The following IL20RA variants were observed in gnomAD, a reference collection of about 807,000 sequenced individuals.
The protein encoded by IL20RA is interleukin-20 receptor subunit alpha.
In IL20RA, 29 loss-of-function variants were observed where a neutral mutation model predicts 36.5. The observed-to-expected ratio is 0.79, with a 90% CI of 0.59 to 1.08. The LOEUF is 1.08. IL20RA is among the 50% of genes least tolerant of loss of function. The pLI is 0.00. For missense variants in IL20RA, 652 were observed against 668.4 expected, an observed-to-expected ratio of 0.98 and a Z score of 0.27; for synonymous variants, 279 against 267.1, an observed-to-expected ratio of 1.04 and a Z score of -0.43.
intron 2 of IL20RA, among the ~76,000 whole-genome samples, chr6:137,016,362 T>C (rs980239673): frequency 3.9e-5 from 6 of 152,234 alleles, no homozygotes; most frequent in African/African-American, 1.4e-4. Context: ...TGAAATCATT[T>C]CCTGTGGTTG....
chr6:137,027,352 A>C (rs902585242), intron 1 of IL20RA, among the ~76,000 whole-genome samples: 1 of 152,176 alleles, frequency 6.6e-6, no homozygotes, highest in Admixed American at 6.5e-5. Flanking sequence ...TATTTCTCTG[A>C]CTAATTGCTG....
intron 2 of IL20RA, among the ~76,000 whole-genome samples, chr6:137,012,772 T>C (rs911827): frequency 0.86 from 130,412 of 152,230 alleles, 59,387 homozygotes; most frequent in East Asian, 1. Context: ...GGGAAGAGTG[T>C]GTCTTGAGAA....
rs1776820022 is a variant in IL20RA at position 137,044,367 on chromosome 6, C to T, written c.88+274G>A. On this transcript the variant is annotated intron_variant, in intron 1 of 6. Coordinates refer to ENST00000316649, the MANE Select transcript of IL20RA (RefSeq NM_014432.4). ...AGCGCACCCCCCACCGAACTCCCCCCACCCCACCTCAATTCTCGAGACCGA... is the reference window on the plus strand; with the variant it reads ...AGCGCACCCCCCACCGAACTCCCCCTACCCCACCTCAATTCTCGAGACCGA... The T allele has an allele frequency of 6.6e-6, 7 of 1,064,258 alleles. No individual in the cohort carries two copies. The African/African-American group carries it at 1.2e-4, about 18-fold the overall frequency. The allele number at this position is 1,064,258 out of a possible 1,614,324, so 65.9% of individuals were successfully genotyped here. A position where few individuals can be genotyped will look rare whatever the true frequency, so the allele number is the denominator to read the frequency against.
chr6:137,001,865 G>A lies in IL20RA; in HGVS notation c.1355C>T (p.Pro452Leu). The change falls in exon 7 of 7, where the codon CCT becomes CTT. Residue 452 changes from proline to leucine, a missense_variant. Physicochemically the swap from Pro to Leu is moderately conservative, Grantham distance 98 (BLOSUM62 -3). Transcript: ENST00000316649. The stretch of plus-strand genomic sequence containing the variant: ...CAGGGGGTCTAAGTCTTGGAGCTGA[G>A]GGGTGTATGAGTACTGTAACGTTTG... ...GPQTLQYSYTPQLQDLDPLAQ... is the reference protein window; with the variant it reads ...GPQTLQYSYTLQLQDLDPLAQ... 1 of 1,613,658 alleles carries A rather than the reference G, an allele frequency of 6.2e-7. No homozygotes were observed. The highest frequency in any genetic ancestry group is 1.1e-5 in the South Asian group (1 of 90,992).
chr6:137,025,577 C>G (rs1026814008), intron 1 of IL20RA, among the ~76,000 whole-genome samples: 4 of 152,206 alleles, frequency 2.6e-5, no homozygotes, highest in African/African-American at 9.6e-5. Context: ...AAAAAGTTCT[C>G]TGTTTGCTCG....
chr6:137,028,638 T>A (rs1307837362), intron 1 of IL20RA, among the ~76,000 whole-genome samples: 1 of 152,176 alleles, frequency 6.6e-6, no homozygotes, highest in Non-Finnish European at 1.5e-5. Flanking sequence ...TTTTTAGTAT[T>A]TTGCTGTTGG....
intron 2 of IL20RA, among the ~76,000 whole-genome samples, 169 bp from the exon 3 acceptor site, chr6:137,011,621 T>C (rs1343933139): frequency 6.6e-6 from 1 of 152,238 alleles, no homozygotes; most frequent in Non-Finnish European, 1.5e-5. Context: ...GCAATTTTTT[T>C]CATCAGCTGT....
At chr6:137,017,170 G>A (rs1472291059) in intron 1 of IL20RA, 67 bp from the exon 2 acceptor site, 1 of 1,353,132 alleles carries the variant, frequency 7.4e-7, no homozygotes, top group Non-Finnish European at 1.0e-6. Context: ...TCCTGTAGCA[G>A]CTAGTCTCCA....
At chr6:137,011,226 G>T in intron 3 of IL20RA, 48 bp downstream of exon 3, 1 of 1,465,416 alleles carries the variant, frequency 6.8e-7, no homozygotes, top group Non-Finnish European at 9.4e-7. Context: ...TGTTAAACCT[G>T]ATATGAATAC....
intron 1 of IL20RA, among the ~76,000 whole-genome samples, chr6:137,038,757 A>G (rs1239265197): frequency 1.3e-5 from 2 of 152,178 alleles, no homozygotes; most frequent in Non-Finnish European, 2.9e-5. Flanking sequence ...CAGCATGTCA[A>G]TGACACCTGG....
rs777106543 is a variant in IL20RA, at chr6:137,001,526, C to A, written c.*32G>T. ...CAAAGGGGTGACTCACTTGTTTGCA[C>A]AGGAAACAAAAGGCAAAAGGAAGTG... On this transcript the variant is annotated 3_prime_UTR_variant, in exon 7 of 7. Coordinates refer to ENST00000316649, the MANE Select transcript of IL20RA (RefSeq NM_014432.4). 6.6e-7 allele frequency: 1 copy of A among 1,509,038 alleles called. No individual in the cohort carries two copies. The highest frequency in any genetic ancestry group is 2.2e-5 in the Admixed American group (1 of 44,484). 93.5% of individuals were successfully genotyped at this position (1,509,038 alleles called of 1,614,324 possible).
chr6:137,040,496 C>T (rs1161191520), intron 1 of IL20RA, among the ~76,000 whole-genome samples: 1 of 152,096 alleles, frequency 6.6e-6, no homozygotes, highest in Non-Finnish European at 1.5e-5. Flanking sequence ...AGGGAAAACA[C>T]TAGATGAGTC....
intron 1 of IL20RA, among the ~76,000 whole-genome samples, chr6:137,020,145 A>G (rs1487454263): frequency 1.3e-5 from 2 of 152,248 alleles, no homozygotes; most frequent in African/African-American, 4.8e-5. Flanking sequence ...GGCCCTGTGG[A>G]GGCCCATGTG....
At chr6:137,009,594 CTTTTTTTTTTTTTT>C (rs3041892) in intron 3 of IL20RA, 102 bp from the exon 4 acceptor site, 19 of 386,940 alleles carry the variant, frequency 4.9e-5, no homozygotes, top group Non-Finnish European at 5.6e-5. Context: ...AAAAGACATC[CTTTTTTTTTTTTTT>C]TTTTTTTTTT....
At chr6:137,043,872 G>GA (rs1233209276) in intron 1 of IL20RA, among the ~76,000 whole-genome samples, 7 of 151,888 alleles carry the variant, frequency 4.6e-5, no homozygotes, top group Admixed American at 1.3e-4. Flanking sequence ...GAAATACAGG[G>GA]AAAAAAAGCA....
chr6:137,044,796 G>C lies in IL20RA; in HGVS notation c.-68C>G. On this transcript the variant is annotated 5_prime_UTR_variant, in exon 1 of 7. Coordinates refer to ENST00000316649, the MANE Select transcript of IL20RA (RefSeq NM_014432.4). ...TCAGTCCCACGCCCGCTGGGGCCAAGCGCGGCCGCGCGGCCTCAGCTCCGC... is the reference window on the plus strand; with the variant it reads ...TCAGTCCCACGCCCGCTGGGGCCAACCGCGGCCGCGCGGCCTCAGCTCCGC... 1.7e-6 allele frequency: 2 copies of C among 1,195,722 alleles called. No individual in the cohort carries two copies. 74.1% of individuals were successfully genotyped at this position (1,195,722 alleles called of 1,614,324 possible).
intron 1 of IL20RA, among the ~76,000 whole-genome samples, chr6:137,023,034 T>C (rs1409168823): frequency 6.6e-6 from 1 of 152,222 alleles, no homozygotes; most frequent in Non-Finnish European, 1.5e-5. Context: ...AGCCCTTGAA[T>C]ACTAACACAG....
chr6:137,023,992 G>T lies in IL20RA; in HGVS notation c.89-6889C>A, dbSNP rs1001584069. ...ACCTGTAATCCCAGCTACTTGGGAGGCTGAGGCAGAAGAATTGCTTGAACC... is the reference window on the plus strand; with the variant it reads ...ACCTGTAATCCCAGCTACTTGGGAGTCTGAGGCAGAAGAATTGCTTGAACC... On this transcript the variant is annotated intron_variant, in intron 1 of 6. Transcript: ENST00000316649. 3.9e-5 allele frequency among the ~76,000 whole-genome samples: 6 copies of T among 152,276 alleles called. No individual in the cohort carries two copies. In the South Asian group the frequency reaches 1.2e-3, roughly 32 times the overall value.
At chr6:137,005,961 G>A (rs1430540637) in intron 5 of IL20RA, among the ~76,000 whole-genome samples, 2 of 152,020 alleles carry the variant, frequency 1.3e-5, no homozygotes, top group African/African-American at 2.4e-5. Context: ...TAAATATATC[G>A]ATATGTGCAT....
Sources: allele counts gnomAD v4.1 joint callset (sites outside exome capture counted in the v4.1 genomes callset), GRCh38; gene constraint gnomAD v4.1.1; transcripts MANE v1.5; gene names NCBI Gene and HGNC (gene_info 2026-07-23, HGNC 2026-07-21).